CAMK4: variants seen among roughly 807,000 people sequenced by gnomAD.
The protein encoded by CAMK4 is calcium/calmodulin dependent protein kinase IV.
A neutral mutation model predicts 44.9 loss-of-function variants in CAMK4; 22 were observed. The ratio of observed to expected loss-of-function variants is 0.49; its 90% CI spans 0.35 to 0.70. The LOEUF (loss-of-function observed/expected upper bound fraction) is 0.70, where lower values mean the gene tolerates loss of function less well. Among genes scored for constraint, CAMK4 ranks in the 30% least tolerant of loss-of-function variants. CAMK4 has a pLI of 0.01. For missense variants in CAMK4, 498 were observed against 586.8 expected (o/e 0.85, Z 1.56); for synonymous variants, 218 against 215.4 (o/e 1.01, Z -0.11).
At chr5:111,382,575 C>A (rs984083732) in intron 4 of CAMK4, among the ~76,000 whole-genome samples, 4 of 152,082 alleles carry the variant, frequency 2.6e-5, no homozygotes, top group African/African-American at 9.7e-5. Flanking sequence ...GGGTTGCTGG[C>A]AGAGTATGCA....
chr5:111,240,689 T>A (rs1004081663), intron 1 of CAMK4, among the ~76,000 whole-genome samples: 4 of 152,038 alleles, frequency 2.6e-5, no homozygotes, highest in African/African-American at 9.7e-5. Context: ...GTCATTTAGG[T>A]AAGGGTCATT....
At chr5:111,433,065 A>G (rs1410344739) in intron 5 of CAMK4, among the ~76,000 whole-genome samples, 1 of 152,190 alleles carries the variant, frequency 6.6e-6, no homozygotes, top group African/African-American at 2.4e-5. Flanking sequence ...AGACTAGAGG[A>G]AGATTTCACA....
At chr5:111,480,753 A>G (rs1414175072) in intron 9 of CAMK4, among the ~76,000 whole-genome samples, 2 of 152,152 alleles carry the variant, frequency 1.3e-5, no homozygotes, top group Non-Finnish European at 2.9e-5. Flanking sequence ...AAGGAACATA[A>G]TATATGTTAA....
intron 2 of CAMK4, chr5:111,357,891 A>C (rs1009827644): frequency 6.6e-6 from 1 of 152,084 alleles, no homozygotes; most frequent in Non-Finnish European, 1.5e-5. Context: ...GAGAAGTGTC[A>C]TGTTCAAAAT....
intron 7 of CAMK4, among the ~76,000 whole-genome samples, chr5:111,452,891 TG>T: frequency 6.6e-6 from 1 of 152,328 alleles, no homozygotes; most frequent in Non-Finnish European, 1.5e-5. Context: ...CAAGGAAGCT[TG>T]GCATGGGGGT....
intron 2 of CAMK4, among the ~76,000 whole-genome samples, chr5:111,359,087 A>G (rs1463849991): frequency 6.6e-6 from 1 of 152,282 alleles, no homozygotes; most frequent in South Asian, 2.1e-4. Flanking sequence ...CTTTGGACAT[A>G]TACCCAGTAA....
At chr5:111,305,070 C>T (rs1025287504) in intron 1 of CAMK4, among the ~76,000 whole-genome samples, 16 of 114,198 alleles carry the variant, frequency 1.4e-4, no homozygotes, top group Non-Finnish European at 2.7e-4. Context: ...CACCACATAC[C>T]AGAATCTCTG....
At chr5:111,418,285 G>A (rs1017517535) in intron 5 of CAMK4, among the ~76,000 whole-genome samples, 1 of 152,128 alleles carries the variant, frequency 6.6e-6, no homozygotes, top group South Asian at 2.1e-4. Flanking sequence ...GTGCAAATAG[G>A]TGTGGGTCAC....
rs1295968365 is a variant in CAMK4 at position 111,487,517 on chromosome 5, T to C, written c.*3051T>C. On this transcript the variant is annotated 3_prime_UTR_variant, in exon 11 of 11. Coordinates refer to ENST00000282356, the MANE Select transcript of CAMK4 (RefSeq NM_001744.6). Reference sequence around the variant, plus strand: ...ATTATATAAATATAATGCAAGCACATGTCATTTAAGATTTTCTATTAGTCA... The same window carrying C: ...ATTATATAAATATAATGCAAGCACACGTCATTTAAGATTTTCTATTAGTCA... 1 of 152,180 alleles carries C rather than the reference T, an allele frequency of 6.6e-6. No homozygotes were observed. The highest frequency in any genetic ancestry group is 1.5e-5 in the Non-Finnish European group (1 of 68,034). The allele number at this position is 152,180 out of a possible 1,614,324, so 9.4% of individuals were successfully genotyped here. A position where few individuals can be genotyped will look rare whatever the true frequency, so the allele number is the denominator to read the frequency against.
chr5:111,236,729 C>A (rs181802203), intron 1 of CAMK4, among the ~76,000 whole-genome samples: 3 of 152,028 alleles, frequency 2.0e-5, no homozygotes, highest in Middle Eastern at 3.4e-3. Flanking sequence ...TTTCATAATT[C>A]CCCATCTCCA....
chr5:111,291,494 T>C (rs1747254114), intron 1 of CAMK4, among the ~76,000 whole-genome samples: 1 of 152,174 alleles, frequency 6.6e-6, no homozygotes, highest in Non-Finnish European at 1.5e-5. Context: ...TAAGTCTCTA[T>C]TAAGACTTTA....
At chr5:111,432,171 T>G (rs1459180107) in intron 5 of CAMK4, among the ~76,000 whole-genome samples, 2 of 152,050 alleles carry the variant, frequency 1.3e-5, no homozygotes, top group Admixed American at 1.3e-4. Flanking sequence ...TACTACTCAG[T>G]CATAAAAAGA....
At chr5:111,363,923 A>G (rs919757292) in intron 2 of CAMK4, among the ~76,000 whole-genome samples, 1 of 152,134 alleles carries the variant, frequency 6.6e-6, no homozygotes, top group African/African-American at 2.4e-5. Flanking sequence ...ATCATTCTGG[A>G]TGTTGTGTGT....
intron 4 of CAMK4, among the ~76,000 whole-genome samples, chr5:111,386,198 C>T (rs1027750308): frequency 7.2e-5 from 11 of 152,154 alleles, no homozygotes; most frequent in African/African-American, 2.7e-4. Context: ...TTGAAACTTA[C>T]AAAGAAGTGG....
chr5:111,284,460 T>C (rs906344796), intron 1 of CAMK4, among the ~76,000 whole-genome samples: 1 of 152,204 alleles, frequency 6.6e-6, no homozygotes, highest in Non-Finnish European at 1.5e-5. Flanking sequence ...TCACTTCATA[T>C]TTGGATTCTG....
At chr5:111,288,809 C>T (rs973165273) in intron 1 of CAMK4, among the ~76,000 whole-genome samples, 1 of 152,164 alleles carries the variant, frequency 6.6e-6, no homozygotes, top group Non-Finnish European at 1.5e-5. Context: ...CATTACTGAT[C>T]AAGCTGCTAG....
chr5:111,364,035 A>T (rs772144385), intron 2 of CAMK4, among the ~76,000 whole-genome samples: 10 of 152,132 alleles, frequency 6.6e-5, no homozygotes, highest in Non-Finnish European at 1.5e-4. Flanking sequence ...ATCAGACCAG[A>T]ATGGTGACAT....
At chr5:111,271,551 G>A (rs1438028093) in intron 1 of CAMK4, among the ~76,000 whole-genome samples, 1 of 152,208 alleles carries the variant, frequency 6.6e-6, no homozygotes, top group East Asian at 1.9e-4. Flanking sequence ...TGGCTAGTGG[G>A]AGGAGATGGG....
chr5:111,269,229 G>C (rs1750395962), intron 1 of CAMK4, among the ~76,000 whole-genome samples: 1 of 152,222 alleles, frequency 6.6e-6, no homozygotes, highest in African/African-American at 2.4e-5. Flanking sequence ...GTGGGGGTTT[G>C]TGAAGGGTCT....
Sources: gnomAD v4.1 joint callset for allele counts (sites outside exome capture counted in the v4.1 genomes callset) on GRCh38, gnomAD v4.1.1 for gene constraint, MANE v1.5 for transcripts, NCBI Gene and HGNC (gene_info 2026-07-23, HGNC 2026-07-21) for gene names.